Variants in RPA3 observed in about 807,000 individuals in gnomAD.
RPA3 encodes replication protein A 14 kDa subunit.
A neutral mutation model predicts 13.7 loss-of-function variants in RPA3; 24 were observed. The observed-to-expected ratio is 1.75, with a 90% CI of 1.27 to 2.46. The LOEUF is 2.46. Ranked by LOEUF, RPA3 falls within the 30% of genes most tolerant of loss-of-function variation. The pLI is 0.00. For synonymous variants in RPA3, 59 were observed against 51.2 expected (o/e 1.15, Z -0.65); for missense variants, 183 against 151.0 (o/e 1.21, Z -1.11).
At chr7:7,683,394 A>G (rs554811076) in intron 4 of RPA3, among the ~76,000 whole-genome samples, 130 of 152,180 alleles carry the variant, frequency 8.5e-4, no homozygotes, top group Admixed American at 1.8e-3. Flanking sequence ...GAAGCACTAC[A>G]GTTCACTCTC....
In RPA3 at chr7:7,664,632, T is replaced by C. The variant is rs1416744450; in HGVS notation, c.-758+21198A>G. On this transcript the variant is annotated intron_variant, in intron 4 of 7. Coordinates refer to ENST00000223129, the MANE Select transcript of RPA3 (RefSeq NM_002947.5). The stretch of plus-strand genomic sequence containing the variant: ...ATCCTTCCTACAGGAAAGGCCTTCC[T>C]TCTCTTCTTTGTTTATACACATCAG... 2.0e-5 allele frequency among the ~76,000 whole-genome samples: 3 copies of C among 152,344 alleles called. No homozygotes were observed. The East Asian group carries it at 5.8e-4, about 29-fold the overall frequency.
chr7:7,647,305 G>A (rs958567115), intron 4 of RPA3, among the ~76,000 whole-genome samples: 1 of 152,118 alleles, frequency 6.6e-6, no homozygotes, highest in African/African-American at 2.4e-5. Context: ...ATAATTCCCA[G>A]TGAAACTGCA....
At chr7:7,706,241 G>GA (rs796383719) in intron 2 of RPA3, among the ~76,000 whole-genome samples, 9 of 152,112 alleles carry the variant, frequency 5.9e-5, no homozygotes, top group African/African-American at 2.2e-4. Flanking sequence ...CTTCTGAGAT[G>GA]AAAAAAATCA....
chr7:7,639,938 C>T (rs1784926378), intron 5 of RPA3: 1 of 240,282 alleles, frequency 4.2e-6, no homozygotes, highest in African/African-American at 2.4e-5. Context: ...ACGAGGTTTG[C>T]AAAAATAAGT....
At chr7:7,706,460 C>T (rs1218976670) in intron 2 of RPA3, among the ~76,000 whole-genome samples, 1 of 152,108 alleles carries the variant, frequency 6.6e-6, no homozygotes, top group African/African-American at 2.4e-5. Flanking sequence ...AAAATGAAAC[C>T]TATATAACAA....
intron 2 of RPA3, among the ~76,000 whole-genome samples, chr7:7,714,492 A>G (rs895081887): frequency 6.6e-6 from 1 of 152,258 alleles, no homozygotes; most frequent in Non-Finnish European, 1.5e-5. Context: ...TGCTTTAGAA[A>G]TAATCTATAT....
intron 2 of RPA3, among the ~76,000 whole-genome samples, chr7:7,703,423 A>T (rs1194274413): frequency 6.6e-6 from 1 of 152,208 alleles, no homozygotes; most frequent in Non-Finnish European, 1.5e-5. Flanking sequence ...CCATTTTGTG[A>T]GTGCTCTAAT....
chr7:7,660,614 A>G (rs886763909), intron 4 of RPA3, among the ~76,000 whole-genome samples: 1 of 152,212 alleles, frequency 6.6e-6, no homozygotes, highest in Non-Finnish European at 1.5e-5. Flanking sequence ...TTCTTTAAGA[A>G]TGTTGACTAT....
At chr7:7,704,476 C>T (rs1583755924) in intron 2 of RPA3, among the ~76,000 whole-genome samples, 2 of 151,696 alleles carry the variant, frequency 1.3e-5, no homozygotes, top group Middle Eastern at 3.4e-3. Context: ...TGCTTCTGGG[C>T]CGGGCGCGGT....
At chr7:7,690,870 T>C (rs1486412992) in intron 2 of RPA3, among the ~76,000 whole-genome samples, 5 of 152,228 alleles carry the variant, frequency 3.3e-5, no homozygotes, top group African/African-American at 1.2e-4. Context: ...AATTCAATTA[T>C]GACTTATACC....
chr7:7,667,205 A>G (rs765384312), intron 4 of RPA3, among the ~76,000 whole-genome samples: 1 of 152,238 alleles, frequency 6.6e-6, no homozygotes, highest in Non-Finnish European at 1.5e-5. Context: ...TCAGATAGGT[A>G]AGTTGCCACT....
intron 2 of RPA3, among the ~76,000 whole-genome samples, chr7:7,702,738 G>C (rs981578080): frequency 6.6e-6 from 1 of 152,074 alleles, no homozygotes; most frequent in Non-Finnish European, 1.5e-5. Context: ...AATGTGCTCC[G>C]GTGAGTAAAA....
Position 7,685,836 on chromosome 7 carries a change from A to T in RPA3, c.-764T>A, listed in dbSNP as rs1264986899. On this transcript the variant is annotated 5_prime_UTR_variant, in exon 4 of 8. Transcript: ENST00000223129. The stretch of plus-strand genomic sequence containing the variant: ...GATAGAATTATGGTCTTACCTTGGA[A>T]GAATAGTATCTCATAAAATAAGTAA... The T allele has an allele frequency of 6.6e-6, 1 of 152,226 alleles. No homozygotes were observed. The highest frequency in any genetic ancestry group is 1.5e-5 in the Non-Finnish European group (1 of 68,044). 9.4% of individuals were successfully genotyped at this position (152,226 alleles called of 1,614,324 possible).
intron 4 of RPA3, among the ~76,000 whole-genome samples, chr7:7,658,651 T>C (rs1025818930): frequency 6.6e-6 from 1 of 152,160 alleles, no homozygotes; most frequent in Non-Finnish European, 1.5e-5. Context: ...TTGCATCCCA[T>C]TGATGAAGCT....
chr7:7,710,069 CCT>C (rs1780714528), intron 2 of RPA3, among the ~76,000 whole-genome samples: 1 of 152,078 alleles, frequency 6.6e-6, no homozygotes, highest in African/African-American at 2.4e-5. Flanking sequence ...CAGCAATTTG[CCT>C]CTCTCACTCA....
At chr7:7,674,469 G>T (rs1779688809) in intron 4 of RPA3, among the ~76,000 whole-genome samples, 4 of 152,174 alleles carry the variant, frequency 2.6e-5, no homozygotes, top group Admixed American at 2.0e-4. Context: ...CCATGTTCTG[G>T]CAGGCCTGTT....
At chr7:7,670,692 C>A (rs1395332931) in intron 4 of RPA3, among the ~76,000 whole-genome samples, 1 of 152,178 alleles carries the variant, frequency 6.6e-6, no homozygotes, top group Admixed American at 6.5e-5. Context: ...TACTCTTGGT[C>A]TGGAGACTTC....
chr7:7,713,152 C>T (rs538776269), intron 2 of RPA3, among the ~76,000 whole-genome samples: 1 of 151,702 alleles, frequency 6.6e-6, no homozygotes, highest in Non-Finnish European at 1.5e-5. Flanking sequence ...GCCTGACCAA[C>T]ATGGTGAAAC....
Position 7,686,546 on chromosome 7 carries a change from G to A in RPA3, c.-926-548C>T, listed in dbSNP as rs533443732. On this transcript the variant is annotated intron_variant, in intron 3 of 7. Transcript: ENST00000223129. Reference sequence around the variant, plus strand: ...AGCATCATGTCCTGAATGCATTACTGAGAAGGCATGCACGTATACTCATAC... The same window carrying A: ...AGCATCATGTCCTGAATGCATTACTAAGAAGGCATGCACGTATACTCATAC... 9.9e-5 allele frequency among the ~76,000 whole-genome samples: 15 copies of A among 152,250 alleles called. No homozygotes were observed. The East Asian group carries it at 2.9e-3, about 29-fold the overall frequency.
Sources: gnomAD v4.1 joint callset for allele counts (sites outside exome capture counted in the v4.1 genomes callset) on GRCh38, gnomAD v4.1.1 for gene constraint, MANE v1.5 for transcripts, NCBI Gene and HGNC (gene_info 2026-07-23, HGNC 2026-07-21) for gene names.